Variants in MUSK observed in about 807,000 individuals in gnomAD.
The protein encoded by MUSK is muscle, skeletal receptor tyrosine-protein kinase.
In MUSK, 55 loss-of-function variants were observed where a neutral mutation model predicts 88.7. The observed-to-expected ratio is 0.62, with a 90% confidence interval of 0.50 to 0.78. The LOEUF is 0.78. Ranked by LOEUF, MUSK falls within the 30% of genes least tolerant of loss-of-function variation. The pLI, the probability that MUSK is intolerant of heterozygous loss-of-function variation, is 0.00. For synonymous variants in MUSK, 387 were observed against 391.9 expected, an observed-to-expected ratio of 0.99 and a Z score of 0.15; for missense variants, 1,015 against 1,074.3, an observed-to-expected ratio of 0.94 and a Z score of 0.77.
chr9:110,784,181 T>C (rs1202770464), intron 11 of MUSK, among the ~76,000 whole-genome samples: 3 of 152,154 alleles, frequency 2.0e-5, no homozygotes, highest in African/African-American at 7.2e-5. Flanking sequence ...GTTAAGAGGA[T>C]TTAAATGTGA....
At chr9:110,763,248 G>C (rs1588007238) in intron 8 of MUSK, among the ~76,000 whole-genome samples, 1 of 151,968 alleles carries the variant, frequency 6.6e-6, no homozygotes, top group Non-Finnish European at 1.5e-5. Flanking sequence ...ATAGTGATTT[G>C]TCATAATTGA....
In MUSK at chr9:110,689,740, A is replaced by AC. The variant is rs1564218005; in HGVS notation, c.358+2472_358+2473insC. Among the ~76,000 whole-genome samples, 24 of 60,322 alleles carry AC rather than the reference A, an allele frequency of 4.0e-4. 1 individual carries two copies. Among genetic ancestry groups the AC allele is most frequent in the African/African-American group, 5.3e-4 (4 of 7,512 alleles). The allele number at this position is 60,322 out of a possible 152,430, so 39.6% of individuals were successfully genotyped here. A position where few individuals can be genotyped will look rare whatever the true frequency, so the allele number is the denominator to read the frequency against. On this transcript the variant is annotated intron_variant, in intron 3 of 14. Transcript: ENST00000374448. ...ATATGTTATATATAGTTTATATATAATATTATATATTATATATAAACTATA... is the reference window on the plus strand; with the variant it reads ...ATATGTTATATATAGTTTATATATAACTATTATATATTATATATAAACTATA...
intron 3 of MUSK, among the ~76,000 whole-genome samples, chr9:110,689,406 A>C (rs2076255234): frequency 1.7e-5 from 2 of 114,752 alleles, no homozygotes; most frequent in Admixed American, 1.0e-4. Flanking sequence ...TGTGAAAAAT[A>C]CATATTTATA....
chr9:110,778,138 A>G (rs1360550518), intron 11 of MUSK, among the ~76,000 whole-genome samples: 1 of 152,134 alleles, frequency 6.6e-6, no homozygotes, highest in Non-Finnish European at 1.5e-5. Context: ...GAGGGGTCAC[A>G]AAAGAGCTGT....
chr9:110,705,637 C>T (rs1370244635), intron 5 of MUSK, among the ~76,000 whole-genome samples: 2 of 152,192 alleles, frequency 1.3e-5, no homozygotes, highest in African/African-American at 2.4e-5. Context: ...TTGGGTGTTA[C>T]TGACTTACAG....
intron 5 of MUSK, among the ~76,000 whole-genome samples, chr9:110,726,019 A>G (rs2076879285): frequency 6.6e-6 from 1 of 152,002 alleles, no homozygotes; most frequent in Non-Finnish European, 1.5e-5. Context: ...CTGAGCTTAA[A>G]TAGGCCTATA....
intron 3 of MUSK, among the ~76,000 whole-genome samples, chr9:110,689,091 C>T (rs1239652424): frequency 2.3e-5 from 3 of 128,868 alleles, no homozygotes; most frequent in South Asian, 4.8e-4. Flanking sequence ...TATATATTTA[C>T]ATTTAAATAT....
At chr9:110,762,066 C>T (rs1002242944) in intron 7 of MUSK, 136 bp from the exon 8 acceptor site, 5 of 1,029,842 alleles carry the variant, frequency 4.9e-6, no homozygotes, top group Non-Finnish European at 6.3e-6. Flanking sequence ...CTAGCAGAAG[C>T]GGAGAACTTT....
chr9:110,696,824 G>T (rs1479299610), intron 4 of MUSK, among the ~76,000 whole-genome samples: 6 of 151,760 alleles, frequency 4.0e-5, no homozygotes, highest in Admixed American at 2.6e-4. Context: ...AGCTTTTGGG[G>T]TACTAGTGGT....
intron 9 of MUSK, among the ~76,000 whole-genome samples, chr9:110,769,716 C>T (rs560124423): frequency 6.6e-6 from 1 of 152,220 alleles, no homozygotes; most frequent in South Asian, 2.1e-4. Flanking sequence ...TAGAAAGTAG[C>T]ACGTGTATAA....
At chr9:110,735,702 G>T (rs2077022658) in intron 6 of MUSK, among the ~76,000 whole-genome samples, 1 of 152,136 alleles carries the variant, frequency 6.6e-6, no homozygotes, top group Non-Finnish European at 1.5e-5. Context: ...AAGAAAAGAG[G>T]TTTAATTGGC....
intron 2 of MUSK, among the ~76,000 whole-genome samples, chr9:110,683,181 G>A (rs1276683014): frequency 1.3e-5 from 2 of 151,918 alleles, no homozygotes; most frequent in African/African-American, 4.8e-5. Flanking sequence ...ATGTCCATGA[G>A]TTCAATTGTT....
Position 110,804,032 on chromosome 9 carries a change from G to A in MUSK, c.*3044G>A, listed in dbSNP as rs2078128319. Among the ~76,000 whole-genome samples, 1 of 152,126 alleles carries A rather than the reference G, an allele frequency of 6.6e-6. No homozygotes were observed. The highest frequency in any genetic ancestry group is 6.5e-5 in the Admixed American group (1 of 15,276). The stretch of plus-strand genomic sequence containing the variant: ...CAAAAACATATTCTCTGCTATCGTG[G>A]TAGAGCAGAAAAAGAACACTTTCTT... On this transcript the variant is annotated 3_prime_UTR_variant, in exon 15 of 15. Transcript: ENST00000374448.
chr9:110,788,113 A>G, intron 14 of MUSK: 1 of 397,148 alleles, frequency 2.5e-6, no homozygotes, highest in South Asian at 2.8e-5. Flanking sequence ...GTAAAAAATT[A>G]ATACTGCTTC....
At chr9:110,720,218 G>A (rs2076793411) in intron 5 of MUSK, among the ~76,000 whole-genome samples, 1 of 151,516 alleles carries the variant, frequency 6.6e-6, no homozygotes, top group African/African-American at 2.4e-5. Flanking sequence ...CACAAATGCA[G>A]AAGAAGAAAA....
chr9:110,740,232 G>C (rs907014535), intron 6 of MUSK, among the ~76,000 whole-genome samples: 7 of 152,092 alleles, frequency 4.6e-5, no homozygotes, highest in African/African-American at 1.7e-4. Flanking sequence ...TGCCATAATA[G>C]AATACCACAG....
At chr9:110,727,587 G>T in intron 5 of MUSK, 3 of 205,382 alleles carry the variant, frequency 1.5e-5, no homozygotes, top group Non-Finnish European at 3.1e-5. Context: ...TGTCAACCTT[G>T]GCTAAGTTCA....
intron 9 of MUSK, among the ~76,000 whole-genome samples, chr9:110,773,310 CTTAA>C (rs2077610005): frequency 6.6e-6 from 1 of 152,084 alleles, no homozygotes; most frequent in Admixed American, 6.5e-5. Flanking sequence ...TCAGGGTAGA[CTTAA>C]TTAAGTTAGC....
intron 5 of MUSK, among the ~76,000 whole-genome samples, chr9:110,716,814 C>T (rs1045006274): frequency 6.7e-6 from 1 of 150,154 alleles, no homozygotes; most frequent in Non-Finnish European, 1.5e-5. Context: ...TAAGTGCATA[C>T]ACATTAATTA....
Sources: allele counts gnomAD v4.1 joint callset (sites outside exome capture counted in the v4.1 genomes callset), GRCh38; gene constraint gnomAD v4.1.1; transcripts MANE v1.5; gene names NCBI Gene and HGNC (gene_info 2026-07-23, HGNC 2026-07-21).